TANC2: variants seen among roughly 807,000 people sequenced by gnomAD.
The protein encoded by TANC2 is tetratricopeptide repeat, ankyrin repeat and coiled-coil containing 2.
TANC2 carries 26 observed loss-of-function variants against 210.5 expected under a neutral mutation model. The ratio of observed to expected loss-of-function variants is 0.12; its 90% confidence interval spans 0.09 to 0.17. TANC2 has a LOEUF of 0.17. TANC2 is among the 10% of genes least tolerant of loss of function. The pLI is 1.00. For synonymous variants in TANC2, 931 were observed against 967.1 expected, an observed-to-expected ratio of 0.96 and a Z score of 0.69; for missense variants, 2,129 against 2,608.9, an observed-to-expected ratio of 0.82 and a Z score of 4.01.
intron 4 of TANC2, chr17:63,150,724 A>G (rs913337744): frequency 1.3e-5 from 2 of 152,230 alleles, no homozygotes; most frequent in African/African-American, 4.8e-5. Flanking sequence ...CTGATGGCTT[A>G]TATTTAATCC....
At chr17:63,395,648 T>A in intron 17 of TANC2, 95 bp from the exon 18 acceptor site, 1 of 1,158,968 alleles carries the variant, frequency 8.6e-7, no homozygotes, top group South Asian at 1.5e-5. Context: ...AGGATGATTC[T>A]TAGTAGCCTA....
At chr17:63,099,382 A>G (rs1165559775) in intron 4 of TANC2, 25 bp downstream of exon 4, 2 of 1,453,540 alleles carry the variant, frequency 1.4e-6, no homozygotes, top group African/African-American at 2.8e-5. Flanking sequence ...TAAATTTAGT[A>G]TGTTTAACAG....
At chr17:63,067,501 TAATA>T (rs953251816) in intron 2 of TANC2, among the ~76,000 whole-genome samples, 23 of 151,624 alleles carry the variant, frequency 1.5e-4, no homozygotes, top group African/African-American at 4.1e-4. Flanking sequence ...TTAAAAATAA[TAATA>T]AATAAATTCC....
intron 9 of TANC2, among the ~76,000 whole-genome samples, chr17:63,303,162 C>T (rs2044778230): frequency 6.6e-6 from 1 of 152,134 alleles, no homozygotes; most frequent in Admixed American, 6.5e-5. Flanking sequence ...CTTGTTATCT[C>T]ACACACTAGT....
chr17:63,045,168 C>T (rs534042028), intron 2 of TANC2, among the ~76,000 whole-genome samples: 1 of 152,236 alleles, frequency 6.6e-6, no homozygotes, highest in Non-Finnish European at 1.5e-5. Flanking sequence ...CATTTATTTA[C>T]ATATTGTCTG....
At chr17:62,988,231 G>A (rs1041081684) in intron 1 of TANC2, among the ~76,000 whole-genome samples, 8 of 150,960 alleles carry the variant, frequency 5.3e-5, no homozygotes, top group African/African-American at 1.7e-4. Context: ...AGGTTCAAGC[G>A]ATTCTTCTGC....
exon 3 of TANC2, chr17:63,073,998 A>G (rs771735862): frequency 6.3e-6 from 10 of 1,584,126 alleles, no homozygotes; most frequent in African/African-American, 2.7e-5. Flanking sequence ...ACTCTCGCCA[A>G]AGCCGCTCTG....
At chr17:63,287,385 T>TTG (rs1266064119) in intron 9 of TANC2, among the ~76,000 whole-genome samples, 3 of 152,240 alleles carry the variant, frequency 2.0e-5, no homozygotes, top group African/African-American at 7.2e-5. Flanking sequence ...TCAGTTTCAA[T>TTG]TGATTGATTT....
chr17:63,342,485 G>A (rs1475683445), intron 12 of TANC2, among the ~76,000 whole-genome samples: 6 of 131,100 alleles, frequency 4.6e-5, no homozygotes, highest in South Asian at 2.5e-4. Flanking sequence ...AGTGATACAA[G>A]GATCTACACC....
rs9903112 is a variant in TANC2 at position 63,232,663 on chromosome 17, G to A, written c.770-5151G>A. Among the ~76,000 whole-genome samples, 1,113 of 152,326 alleles carry A rather than the reference G, an allele frequency of 7.3e-3. 15 individuals are homozygous for A. Among genetic ancestry groups the A allele is most frequent in the African/African-American group, 0.026 (1,067 of 41,576 alleles). ...CTCCATCCCAGAGGGGCACTGACCCGATGTCAGCGGGAACCCTCCTGTATA... is the reference window on the plus strand; with the variant it reads ...CTCCATCCCAGAGGGGCACTGACCCAATGTCAGCGGGAACCCTCCTGTATA... On this transcript the variant is annotated intron_variant, in intron 7 of 27. Coordinates refer to ENST00000689528, the Ensembl canonical transcript of TANC2.
At chr17:63,306,449 A>G (rs981231346) in intron 9 of TANC2, among the ~76,000 whole-genome samples, 1 of 152,194 alleles carries the variant, frequency 6.6e-6, no homozygotes, top group Non-Finnish European at 1.5e-5. Flanking sequence ...TTCAACAAAT[A>G]TTTACTGAGC....
intron 2 of TANC2, among the ~76,000 whole-genome samples, chr17:63,035,341 T>A (rs994592993): frequency 6.6e-6 from 1 of 152,256 alleles, no homozygotes; most frequent in Non-Finnish European, 1.5e-5. Context: ...ATCATAAACA[T>A]AACTTTTGTC....
At chr17:63,220,703 CAAAA>C (rs373846699) in intron 7 of TANC2, among the ~76,000 whole-genome samples, 35 of 91,964 alleles carry the variant, frequency 3.8e-4, no homozygotes, top group African/African-American at 1.5e-3. Flanking sequence ...GAATCAGTCT[CAAAA>C]AAAAAAAAAA....
At chr17:63,028,909 A>AGG (rs2034660110) in intron 2 of TANC2, among the ~76,000 whole-genome samples, 1 of 152,148 alleles carries the variant, frequency 6.6e-6, no homozygotes, top group Admixed American at 6.6e-5. Context: ...TGTAGTCAGT[A>AGG]GGATATATCA....
intron 14 of TANC2, among the ~76,000 whole-genome samples, chr17:63,376,047 A>G (rs570781196): frequency 6.6e-6 from 1 of 152,094 alleles, no homozygotes; most frequent in Non-Finnish European, 1.5e-5. Flanking sequence ...AGATCACACC[A>G]CTGCACTCCA....
At chr17:63,088,047 T>G (rs2037043188) in intron 3 of TANC2, 1 of 152,242 alleles carries the variant, frequency 6.6e-6, no homozygotes, top group African/African-American at 2.4e-5. Context: ...ATAGTTGTAT[T>G]CAATGAGAGA....
intron 2 of TANC2, among the ~76,000 whole-genome samples, chr17:63,065,562 C>G (rs1053705391): frequency 3.3e-5 from 5 of 152,108 alleles, no homozygotes; most frequent in Non-Finnish European, 7.3e-5. Context: ...TCTCCACATC[C>G]CTAGCAACAT....
Position 63,190,604 on chromosome 17 carries a change from G to A in TANC2, c.434-3387G>A, listed in dbSNP as rs1035544336. Reference sequence around the variant, plus strand: ...AAAAATAAGGGAAGAAGGAAAGGAAGCGAGTAAGCAAGCAGCTGGAATTTT... The same window carrying A: ...AAAAATAAGGGAAGAAGGAAAGGAAACGAGTAAGCAAGCAGCTGGAATTTT... On this transcript the variant is annotated intron_variant, in intron 5 of 27. Transcript: ENST00000689528. Among the ~76,000 whole-genome samples, 10 of 152,232 alleles carry A rather than the reference G, an allele frequency of 6.6e-5. 1 individual carries two copies. The highest frequency in any genetic ancestry group is 4.6e-4 in the Admixed American group (7 of 15,284).
In TANC2 at chr17:63,086,472, G is replaced by A. The variant is rs182598513; in HGVS notation, c.139+12458G>A. On this transcript the variant is annotated intron_variant, in intron 3 of 27. Coordinates refer to ENST00000689528, the Ensembl canonical transcript of TANC2. ...CTCTTTCCTCAGCCACGTCCAGTCT[G>A]CTAATGAGGCCATTAAAGGCATTCT... Among the ~76,000 whole-genome samples the A allele has an allele frequency of 3.9e-5, 6 of 152,236 alleles. No individual in the cohort carries two copies. In the East Asian group the frequency reaches 1.2e-3, roughly 29 times the overall value.
Sources: gnomAD v4.1 joint callset for allele counts (sites outside exome capture counted in the v4.1 genomes callset) on GRCh38, gnomAD v4.1.1 for gene constraint, MANE v1.5 for transcripts, NCBI Gene and HGNC (gene_info 2026-07-23, HGNC 2026-07-21) for gene names.